The following SLC25A26 variants were observed in gnomAD, a reference collection of about 807,000 sequenced individuals.
The protein encoded by SLC25A26 is solute carrier family 25 member 26, also known as mitochondrial S-adenosylmethionine carrier protein.
SLC25A26 carries 36 observed loss-of-function variants against 37.8 expected under a neutral mutation model. That is an observed-to-expected ratio of 0.95 (90% confidence interval 0.73 to 1.26). The LOEUF is 1.26. Among genes scored for constraint, SLC25A26 ranks in the 50% most tolerant of loss-of-function variants. The pLI is 0.00. For synonymous variants in SLC25A26, 129 were observed against 122.5 expected (o/e 1.05, Z -0.35); for missense variants, 390 against 331.1 (o/e 1.18, Z -1.38).
At chr3:66,225,486 G>A (rs1478896566) in intron 1 of SLC25A26, among the ~76,000 whole-genome samples, 1 of 152,138 alleles carries the variant, frequency 6.6e-6, no homozygotes, top group African/African-American at 2.4e-5. Flanking sequence ...CCCAGTCCAG[G>A]AAATCATTTT....
chr3:66,354,534 T>G lies in SLC25A26; in HGVS notation c.498+8126T>G, dbSNP rs552612772. On this transcript the variant is annotated intron_variant, in intron 6 of 9. Transcript: ENST00000354883. ...GTGCAGTACTACATAAAAGCTATGT[T>G]TTCAAGTTCAAGAATAAATAGCATT... is the stretch of plus-strand genomic sequence containing the variant. Among the ~76,000 whole-genome samples the G allele has an allele frequency of 6.5e-4, 99 of 152,334 alleles. No homozygotes were observed. In the Middle Eastern group the frequency reaches 0.014, roughly 21 times the overall value.
At chr3:66,257,989 T>C (rs1243651932) in intron 3 of SLC25A26, among the ~76,000 whole-genome samples, 1 of 152,192 alleles carries the variant, frequency 6.6e-6, no homozygotes, top group Non-Finnish European at 1.5e-5. Context: ...GGGTGCTTGG[T>C]TGCTTGCCAT....
At chr3:66,214,830 G>A (rs2071336584) in intron 1 of SLC25A26, among the ~76,000 whole-genome samples, 1 of 152,016 alleles carries the variant, frequency 6.6e-6, no homozygotes, top group Non-Finnish European at 1.5e-5. Context: ...CTCAAGAATA[G>A]AAAAATGTTT....
chr3:66,349,044 T>C (rs1453611532), intron 6 of SLC25A26, among the ~76,000 whole-genome samples: 3 of 152,226 alleles, frequency 2.0e-5, no homozygotes, highest in African/African-American at 7.2e-5. Flanking sequence ...GCCCTAATTC[T>C]GCAAAGGAAT....
intron 6 of SLC25A26, among the ~76,000 whole-genome samples, chr3:66,352,353 C>A (rs1193240737): frequency 6.6e-6 from 1 of 152,120 alleles, no homozygotes; most frequent in African/African-American, 2.4e-5. Context: ...TCAGCCTTAT[C>A]CCGTGCCACT....
intron 5 of SLC25A26, among the ~76,000 whole-genome samples, chr3:66,305,206 C>A (rs1048899159): frequency 6.6e-6 from 1 of 152,160 alleles, no homozygotes. Context: ...GGAGAAGCAG[C>A]GTCTAAATTT....
upstream of SLC25A26, among the ~76,000 whole-genome samples, chr3:66,217,594 G>A (rs2071380611): frequency 6.6e-6 from 1 of 151,710 alleles, no homozygotes; most frequent in Non-Finnish European, 1.5e-5. Context: ...TGTCACCCAG[G>A]CTGGAGTGCT....
At chr3:66,356,263 C>CTGGTGT (rs781406508) in intron 6 of SLC25A26, among the ~76,000 whole-genome samples, 93 of 152,110 alleles carry the variant, frequency 6.1e-4, no homozygotes, top group Non-Finnish European at 1.2e-3. Context: ...AGTATTGTGC[C>CTGGTGT]TGGTGTTGGC....
In SLC25A26 at chr3:66,353,321, TCTC is replaced by T. The variant is rs149682998; in HGVS notation, c.498+6916_498+6918del. Among the ~76,000 whole-genome samples the T allele has an allele frequency of 1.3e-3, 197 of 152,232 alleles. 3 individuals are homozygous for T. The highest frequency in any genetic ancestry group is 4.7e-3 in the African/African-American group (194 of 41,546). Reference sequence around the variant, plus strand: ...GCACTGTAGTAACACTTCCCACACATCTCCTGTTCATCTTCATGACAGTCCTGT... The same window carrying T: ...GCACTGTAGTAACACTTCCCACACATCTGTTCATCTTCATGACAGTCCTGT... On this transcript the variant is annotated intron_variant, in intron 6 of 9. Coordinates refer to ENST00000354883, the MANE Select transcript of SLC25A26 (RefSeq NM_001379210.1).
chr3:66,238,227 C>T (rs1461130877), intron 2 of SLC25A26, among the ~76,000 whole-genome samples: 2 of 151,936 alleles, frequency 1.3e-5, no homozygotes, highest in Non-Finnish European at 2.9e-5. Flanking sequence ...GGTGTCGATC[C>T]CCTGTGCAGT....
intron 1 of SLC25A26, among the ~76,000 whole-genome samples, chr3:66,224,093 A>G (rs568975604): frequency 5.3e-5 from 8 of 152,312 alleles, no homozygotes; most frequent in African/African-American, 1.7e-4. Flanking sequence ...AGATAAAATT[A>G]AGAGAAAAAC....
intron 1 of SLC25A26, among the ~76,000 whole-genome samples, chr3:66,166,789 CA>C (rs1443060926): frequency 2.6e-5 from 4 of 152,140 alleles, no homozygotes; most frequent in African/African-American, 9.7e-5. Context: ...TGGCCACAGA[CA>C]TGAGCCTCGT....
At chr3:66,325,754 A>G (rs947325818) in intron 5 of SLC25A26, among the ~76,000 whole-genome samples, 5 of 152,340 alleles carry the variant, frequency 3.3e-5, no homozygotes, top group African/African-American at 4.8e-5. Context: ...GAGCCAGCGC[A>G]TGCAGGGCCT....
chr3:66,348,181 C>T (rs999098158), intron 6 of SLC25A26, among the ~76,000 whole-genome samples: 1 of 152,180 alleles, frequency 6.6e-6, no homozygotes, highest in Non-Finnish European at 1.5e-5. Flanking sequence ...ACATTCAAAA[C>T]ATGCAGAGAT....
intron 2 of SLC25A26, among the ~76,000 whole-genome samples, chr3:66,239,402 G>T (rs1178994044): frequency 6.6e-6 from 1 of 151,974 alleles, no homozygotes; most frequent in African/African-American, 2.4e-5. Flanking sequence ...CCCAGAACAG[G>T]GCACTCTCAT....
chr3:66,369,056 AAAAAAACAAAAG>A (rs1559746483), intron 7 of SLC25A26, among the ~76,000 whole-genome samples: 3 of 55,446 alleles, frequency 5.4e-5, no homozygotes, highest in African/African-American at 1.8e-4. Context: ...AAAACAAAAA[AAAAAAACAAAAG>A]ACAGTGGCCT....
chr3:66,282,979 G>A (rs373312541), intron 5 of SLC25A26, among the ~76,000 whole-genome samples: 8 of 152,180 alleles, frequency 5.3e-5, no homozygotes, highest in South Asian at 2.1e-4. Flanking sequence ...GTCACTCAGC[G>A]TAATGCCTTT....
chr3:66,227,084 A>G (rs1553661022), intron 1 of SLC25A26, among the ~76,000 whole-genome samples: 2 of 152,128 alleles, frequency 1.3e-5, no homozygotes, highest in Non-Finnish European at 2.9e-5. Flanking sequence ...GTTTGGATCA[A>G]CTTCTAACAT....
chr3:66,141,641 T>C (rs542297428), intron 1 of SLC25A26, among the ~76,000 whole-genome samples: 1 of 152,172 alleles, frequency 6.6e-6, no homozygotes, highest in South Asian at 2.1e-4. Flanking sequence ...GCCACCCGAG[T>C]AGCTGGGATT....
Sources: allele counts gnomAD v4.1 joint callset (sites outside exome capture counted in the v4.1 genomes callset), GRCh38; gene constraint gnomAD v4.1.1; transcripts MANE v1.5; gene names NCBI Gene and HGNC (gene_info 2026-07-23, HGNC 2026-07-21).